TPM1: variants seen among roughly 807,000 people sequenced by gnomAD.
TPM1 encodes the protein tropomyosin 1, also known as tropomyosin alpha-1 chain.
TPM1 carries 24 observed loss-of-function variants against 42.9 expected under a neutral mutation model. The observed-to-expected ratio is 0.56, with a 90% CI of 0.41 to 0.79. TPM1 has a LOEUF of 0.79. Ranked by LOEUF, TPM1 falls within the 30% of genes least tolerant of loss-of-function variation. TPM1 has a pLI of 0.00. For missense variants in TPM1, 158 were observed against 351.8 expected (o/e 0.45, Z 4.41); for synonymous variants, 136 against 130.1 (o/e 1.05, Z -0.31).
At chr15:63,061,385 C>A in intron 5 of TPM1, 1 of 964,990 alleles carries the variant, frequency 1.0e-6, no homozygotes. Flanking sequence ...TCACCCTCTG[C>A]TATTTATATC....
intron 2 of TPM1, among the ~76,000 whole-genome samples, chr15:63,053,838 T>C (rs1596345633): frequency 6.6e-6 from 1 of 151,984 alleles, no homozygotes; most frequent in Admixed American, 6.6e-5. Context: ...TGTGCCACCA[T>C]GCCTGGCTAA....
intron 9 of TPM1, chr15:63,064,432 TTAAGC>T (rs1347477255): frequency 8.2e-7 from 1 of 1,219,382 alleles, no homozygotes; most frequent in African/African-American, 1.5e-5. Flanking sequence ...TTTTGGGAAA[TTAAGC>T]TAAACTCAAG....
At chr15:63,047,560 CAGG>C (rs1844403331) in intron 2 of TPM1, 1 of 152,136 alleles carries the variant, frequency 6.6e-6, no homozygotes, top group Non-Finnish European at 1.5e-5. Context: ...GACTGGATTC[CAGG>C]AGATCTCAGA....
chr15:63,070,368 A>G (rs966797295), downstream of TPM1: 209 of 999,636 alleles, frequency 2.1e-4, no homozygotes, highest in Non-Finnish European at 2.1e-4. Context: ...ACTTCTAAAT[A>G]TCTGGTATAG....
In TPM1 at chr15:63,056,389, G is replaced by A. The variant is rs114735910; in HGVS notation, c.241-596G>A. On this transcript the variant is annotated intron_variant, in intron 2 of 9. Transcript: ENST00000403994. ...GTGTTGAACTCTACGGAAGTGGGCC[G>A]GGCGCAGTGGCTCACGCCTGTAATC... is the stretch of plus-strand genomic sequence containing the variant. The A allele has an allele frequency of 3.7e-3, 581 of 159,058 alleles. 6 individuals carry two copies. In the East Asian group the frequency reaches 0.039, roughly 11 times the overall value. The allele number at this position is 159,058 out of a possible 1,614,324, so 9.9% of individuals were successfully genotyped here. A position where few individuals can be genotyped will look rare whatever the true frequency, so the allele number is the denominator to read the frequency against.
chr15:63,044,266 A>AC (rs1441064285), intron 2 of TPM1, 114 bp downstream of exon 2: 6 of 1,510,076 alleles, frequency 4.0e-6, no homozygotes, highest in Non-Finnish European at 5.5e-6. Flanking sequence ...GGACACCTGC[A>AC]CACAGCCCTG....
Position 63,059,630 on chromosome 15 carries a change from C to A in TPM1, c.442C>A (p.Leu148Met). 1 of 1,612,588 alleles carries A rather than the reference C, an allele frequency of 6.2e-7. No individual in the cohort carries two copies. Among genetic ancestry groups the A allele is most frequent in the Non-Finnish European group, 8.5e-7 (1 of 1,179,090 alleles). ...EEKMEIQEIQ[L>M]KEAKHIAEDA... ...AAAAATGGAAATTCAGGAGATCCAA[C>A]TGAAAGAGGCCAAGCACATTGCTGA... The change falls in exon 4 of 10, where the codon CTG (leucine) becomes ATG (methionine). Residue 148 changes from leucine (L) to methionine (M), a missense_variant. Physicochemically the swap from Leu to Met is conservative, Grantham distance 15 (BLOSUM62 2). Coordinates refer to ENST00000403994, the MANE Select transcript of TPM1 (RefSeq NM_001018005.2).
intron 3 of TPM1, 46 bp downstream of exon 3, chr15:63,057,164 G>A (rs1257136069): frequency 1.2e-6 from 2 of 1,611,898 alleles, no homozygotes; most frequent in African/African-American, 1.3e-5. Context: ...CTTTCCTGGT[G>A]GAATAAACCG....
intron 2 of TPM1, 140 bp from the exon 3 acceptor site, chr15:63,056,845 A>G (rs2034881510): frequency 2.8e-6 from 3 of 1,088,626 alleles, no homozygotes; most frequent in Non-Finnish European, 4.2e-6. Flanking sequence ...AGAGTTGATG[A>G]GGGCTTGTAA....
chr15:63,069,472 G>A (rs1012166719), downstream of TPM1, among the ~76,000 whole-genome samples: 1 of 152,200 alleles, frequency 6.6e-6, no homozygotes, highest in Non-Finnish European at 1.5e-5. Flanking sequence ...CTGAGCCCTA[G>A]CAAGGGGTGG....
At chr15:63,048,549 C>T in intron 2 of TPM1, 1 of 1,518,076 alleles carries the variant, frequency 6.6e-7, no homozygotes, top group Non-Finnish European at 8.8e-7. Context: ...CCACTGCAGC[C>T]CTCCCGCCCG....
intron 1 of TPM1, 38 bp from the exon 2 acceptor site, chr15:63,043,989 A>AC (rs1237764951): frequency 4.4e-6 from 7 of 1,604,000 alleles, no homozygotes; most frequent in South Asian, 1.1e-5. Context: ...TGCCTGCTGC[A>AC]CCCCCCTCCC....
At chr15:63,054,319 A>T in intron 2 of TPM1, 1 of 152,354 alleles carries the variant, frequency 6.6e-6, no homozygotes, top group East Asian at 1.9e-4. Context: ...CCCTGGGGAA[A>T]CAAGAGTGGC....
At chr15:63,046,457 G>C (rs1423289582) in intron 2 of TPM1, 1 of 152,232 alleles carries the variant, frequency 6.6e-6, no homozygotes, top group Non-Finnish European at 1.5e-5. Flanking sequence ...TTATTCACCA[G>C]TGTAAAACAC....
intron 2 of TPM1, among the ~76,000 whole-genome samples, chr15:63,052,036 G>A (rs1272440004): frequency 6.6e-6 from 1 of 151,960 alleles, no homozygotes; most frequent in African/African-American, 2.4e-5. Context: ...GCATTGTAAG[G>A]CACCTCAAGT....
rs886037905 is a variant in TPM1 at position 63,060,895 on chromosome 15, G to A, written c.519G>A (p.Glu173=). 6.2e-7 allele frequency: 1 copy of A among 1,614,060 alleles called. No individual in the cohort carries two copies. Among genetic ancestry groups the A allele is most frequent in the African/African-American group, 1.3e-5 (1 of 74,912 alleles). The part of the protein sequence containing the change: ...EEVARKLVII[E]SDLERAEERA... The stretch of plus-strand genomic sequence containing the variant: ...TGGCCCGTAAGCTGGTCATCATTGA[G>A]AGCGACCTGGAACGTGCAGAGGAGC... The change falls in exon 5 of 10, where the codon GAG becomes GAA. Residue 173 remains glutamate (E), a synonymous_variant. Transcript: ENST00000403994.
At chr15:63,048,773 C>T in intron 2 of TPM1, 1 of 1,509,974 alleles carries the variant, frequency 6.6e-7, no homozygotes, top group Non-Finnish European at 8.9e-7. Flanking sequence ...CCCCGCAGGG[C>T]CCTCCTGCTT....
chr15:63,063,201 A>C lies in TPM1; in HGVS notation c.772+556A>C, dbSNP rs1036495671. 1.3e-5 allele frequency: 13 copies of C among 985,358 alleles called. No homozygotes were observed. In the African/African-American group the frequency reaches 2.3e-4, roughly 17 times the overall value. The allele number at this position is 985,358 out of a possible 1,614,324, so 61.0% of individuals were successfully genotyped here. On this transcript the variant is annotated intron_variant, in intron 8 of 9. Coordinates refer to ENST00000403994, the MANE Select transcript of TPM1 (RefSeq NM_001018005.2). ...TTTAGTAATAACCACTCTATCTCAC[A>C]GATATCCTAAATGTTGAGCTTTGAA...
chr15:63,070,326 G>GTGTGTT, downstream of TPM1: 1 of 665,912 alleles, frequency 1.5e-6, no homozygotes, highest in Non-Finnish European at 1.9e-6. Flanking sequence ...GTGTGTGTGT[G>GTGTGTT]TATATATTCC....
Sources: gnomAD v4.1 joint callset for allele counts (sites outside exome capture counted in the v4.1 genomes callset) on GRCh38, gnomAD v4.1.1 for gene constraint, MANE v1.5 for transcripts, NCBI Gene and HGNC (gene_info 2026-07-23, HGNC 2026-07-21) for gene names.